The following CFI variants were observed in gnomAD, a reference collection of about 807,000 sequenced individuals.
CFI encodes the protein C3B/C4B inactivator.
In CFI, 66 loss-of-function variants were observed where a neutral mutation model predicts 78.8. That is an observed-to-expected ratio of 0.84 (90% CI 0.69 to 1.03). The LOEUF is 1.03. Ranked by LOEUF, CFI falls within the 50% of genes least tolerant of loss-of-function variation. The probability of loss-of-function intolerance (pLI) is 0.00; values close to 1 mark genes in which losing one functional copy is unlikely to be tolerated. For missense variants in CFI, 706 were observed against 704.5 expected (o/e 1.00, Z -0.02); for synonymous variants, 250 against 232.6 (o/e 1.07, Z -0.68).
the CFI span, among the ~76,000 whole-genome samples, chr4:109,732,596 G>A: frequency 1.3e-4 from 20 of 152,078 alleles, no homozygotes; most frequent in African/African-American, 3.9e-4. Context: ...GGTGGCTCAC[G>A]CCTGTAATCC....
chr4:109,766,139 A>G (rs1006451362), intron 2 of CFI, among the ~76,000 whole-genome samples: 1 of 152,000 alleles, frequency 6.6e-6, no homozygotes, highest in East Asian at 1.9e-4. Flanking sequence ...ACAAACAAAA[A>G]CAGAAATTAC....
chr4:109,769,271 C>G (rs1008642805), intron 1 of CFI, among the ~76,000 whole-genome samples: 9 of 152,098 alleles, frequency 5.9e-5, no homozygotes, highest in Non-Finnish European at 1.2e-4. Context: ...TAGATTTAAA[C>G]AAAAACAAAA....
Position 109,744,921 on chromosome 4 carries a change from T to C in CFI, c.1429+1301A>G, listed in dbSNP as rs912047859. 1.8e-4 allele frequency among the ~76,000 whole-genome samples: 27 copies of C among 152,202 alleles called. 1 individual carries two copies. The highest frequency in any genetic ancestry group is 6.5e-4 in the African/African-American group (27 of 41,448). ...AAGATTTAAAAAAACAGAACAAGTA[T>C]AAGGACACAATACTCTCTTGATGAA... On this transcript the variant is annotated intron_variant, in intron 11 of 12. Coordinates refer to ENST00000394634, the MANE Select transcript of CFI (RefSeq NM_000204.5).
At chr4:109,758,091 C>G in intron 6 of CFI, 1 of 578,864 alleles carries the variant, frequency 1.7e-6, no homozygotes, top group Non-Finnish European at 2.7e-6. Context: ...AAAGGCAGAG[C>G]TCATCCCTAA....
At chr4:109,737,392 C>G (rs143186740), downstream of CFI, among the ~76,000 whole-genome samples, 278 of 152,286 alleles carry the variant, frequency 1.8e-3, no homozygotes, top group African/African-American at 6.3e-3. Context: ...CTAAGCTCAC[C>G]TCTGCAGAAG....
chr4:109,752,288 A>G (rs1274369908), intron 8 of CFI, among the ~76,000 whole-genome samples, 180 bp downstream of exon 8: 1 of 152,168 alleles, frequency 6.6e-6, no homozygotes, highest in Admixed American at 6.6e-5. Flanking sequence ...ATTCTCAAGA[A>G]TCATTTAAGC....
intron 1 of CFI, among the ~76,000 whole-genome samples, chr4:109,791,521 T>C (rs1731377714): frequency 6.6e-6 from 1 of 152,222 alleles, no homozygotes; most frequent in Non-Finnish European, 1.5e-5. Flanking sequence ...TGCTCATTCC[T>C]ATGTCCAGAA....
intron 1 of CFI, among the ~76,000 whole-genome samples, chr4:109,771,671 A>G (rs1310134784): frequency 1.4e-4 from 19 of 135,194 alleles, no homozygotes; most frequent in African/African-American, 5.0e-4. Flanking sequence ...CCGAGATCGC[A>G]CCAGTGCACT....
chr4:109,756,345 G>C (rs1158443707), intron 7 of CFI, among the ~76,000 whole-genome samples: 2 of 150,108 alleles, frequency 1.3e-5, no homozygotes, highest in East Asian at 3.9e-4. Context: ...AAAAGGAATA[G>C]AGAAGAAGCA....
Position 109,740,709 on chromosome 4 carries a change from ATATT to A in CFI, c.*180_*183del, listed in dbSNP as rs1373315834. On this transcript the variant is annotated 3_prime_UTR_variant, in exon 13 of 13. Coordinates refer to ENST00000394634, the MANE Select transcript of CFI (RefSeq NM_000204.5). ...AATAAAACTTGTATGCTTCACCAAA[ATATT>A]TATTTGAGAATTATACAACAAAATT... 4.4e-6 allele frequency: 3 copies of A among 681,512 alleles called. No individual in the cohort carries two copies. The highest frequency in any genetic ancestry group is 5.6e-5 in the East Asian group (2 of 35,898). The allele number at this position is 681,512 out of a possible 1,614,324, so 42.2% of individuals were successfully genotyped here.
intron 1 of CFI, among the ~76,000 whole-genome samples, chr4:109,790,912 T>A (rs2125863333): frequency 6.6e-6 from 1 of 152,314 alleles, no homozygotes. Context: ...TGAACATATG[T>A]GTGCATGTGT....
the CFI span, among the ~76,000 whole-genome samples, chr4:109,735,664 C>T: frequency 6.6e-6 from 1 of 152,196 alleles, no homozygotes; most frequent in Non-Finnish European, 1.5e-5. Flanking sequence ...CATGGTGAAG[C>T]AATTCCATCC....
downstream of CFI, among the ~76,000 whole-genome samples, chr4:109,736,900 ACTTC>A (rs1723404130): frequency 6.6e-6 from 1 of 151,806 alleles, no homozygotes; most frequent in Admixed American, 6.6e-5. Flanking sequence ...CCATTCCTCT[ACTTC>A]CTTCCTTTCT....
At chr4:109,789,269 C>G (rs1475317776) in intron 1 of CFI, among the ~76,000 whole-genome samples, 4 of 151,574 alleles carry the variant, frequency 2.6e-5, no homozygotes, top group Non-Finnish European at 5.9e-5. Context: ...AATGAGGGAA[C>G]AAAAAACATA....
At chr4:109,781,077 C>T (rs1729956379) in intron 1 of CFI, among the ~76,000 whole-genome samples, 1 of 152,086 alleles carries the variant, frequency 6.6e-6, no homozygotes, top group Non-Finnish European at 1.5e-5. Context: ...AGCACACCAA[C>T]ATGGCACATG....
chr4:109,801,243 G>A (rs1732737143), intron 1 of CFI, among the ~76,000 whole-genome samples: 1 of 152,176 alleles, frequency 6.6e-6, no homozygotes, highest in Non-Finnish European at 1.5e-5. Context: ...GAGGGGCCTA[G>A]TGCATTGCTG....
At chr4:109,769,322 C>G (rs1728262812) in intron 1 of CFI, among the ~76,000 whole-genome samples, 1 of 152,160 alleles carries the variant, frequency 6.6e-6, no homozygotes. Flanking sequence ...CACTAAATAG[C>G]AATGACAATG....
chr4:109,741,185 A>G (rs1723750950), intron 12 of CFI, 75 bp from the exon 13 acceptor site: 2 of 1,606,044 alleles, frequency 1.2e-6, no homozygotes, highest in African/African-American at 1.3e-5. Context: ...CCTCCATGGC[A>G]TTTAACAACT....
chr4:109,761,658 C>T lies in CFI; in HGVS notation c.517G>A (p.Asp173Asn), dbSNP rs778279488. The change falls in exon 4 of 13, where the codon GAT (aspartate) becomes AAT (asparagine). Residue 173 changes from aspartate (D) to asparagine (N), a missense_variant. Physicochemically the swap from Asp to Asn is conservative, Grantham distance 23. Transcript: ENST00000394634. The part of the protein sequence containing the change: ...ADTQRRFKLS[D>N]LSINSTECLH... The stretch of plus-strand genomic sequence containing the variant: ...CATTCAGTGGAATTTATAGAGAGAT[C>T]AGACAACTTAAACCTTCTTTGAGTA... 6 of 1,613,578 alleles carry T rather than the reference C, an allele frequency of 3.7e-6. No homozygotes were observed. The South Asian group carries it at 5.5e-5, about 15-fold the overall frequency.
Sources: allele counts gnomAD v4.1 joint callset (sites outside exome capture counted in the v4.1 genomes callset), GRCh38; gene constraint gnomAD v4.1.1; transcripts MANE v1.5; gene names NCBI Gene and HGNC (gene_info 2026-07-23, HGNC 2026-07-21).